The following PHKG2 variants were observed in gnomAD, a reference collection of about 807,000 sequenced individuals.
PHKG2 encodes the protein phosphorylase b kinase gamma catalytic chain, liver/testis isoform.
A neutral mutation model predicts 44.5 loss-of-function variants in PHKG2; 28 were observed. The observed-to-expected ratio is 0.63, with a 90% confidence interval of 0.47 to 0.86. The LOEUF is 0.86. Among genes scored for constraint, PHKG2 ranks in the 40% least tolerant of loss-of-function variants. The probability of loss-of-function intolerance (pLI) is 0.00; values close to 1 mark genes in which losing one functional copy is unlikely to be tolerated. For missense variants in PHKG2, 498 were observed against 547.5 expected (o/e 0.91, Z 0.90); for synonymous variants, 220 against 211.2 (o/e 1.04, Z -0.36).
In PHKG2 at chr16:30,759,310, A is replaced by G. The variant is rs753763872; in HGVS notation, c.*2213A>G. The G allele has an allele frequency of 2.5e-6, 4 of 1,612,612 alleles. No individual in the cohort carries two copies. The East Asian group carries it at 8.9e-5, about 36-fold the overall frequency. ...CCTGTGCTGAGGGGAGGGGCGGTTGAGGGTGGCTCCTCATGGTCCACCACC... is the reference window on the plus strand; with the variant it reads ...CCTGTGCTGAGGGGAGGGGCGGTTGGGGGTGGCTCCTCATGGTCCACCACC... On this transcript the variant is annotated 3_prime_UTR_variant, in exon 10 of 10. Transcript: ENST00000563588.
rs1444710565 is a variant in PHKG2 at position 30,758,431 on chromosome 16, T to C, written c.*1334T>C. On this transcript the variant is annotated 3_prime_UTR_variant, in exon 10 of 10. Coordinates refer to ENST00000563588, the MANE Select transcript of PHKG2 (RefSeq NM_000294.3). The stretch of plus-strand genomic sequence containing the variant: ...ATACGAGCAGAACATGCAGGTTTGC[T>C]ACGTAGGTATACATGGGCCATGGTG... The C allele has an allele frequency of 3.2e-5, 5 of 157,354 alleles. No homozygotes were observed. The highest frequency in any genetic ancestry group is 7.0e-5 in the Non-Finnish European group (5 of 71,018). 9.7% of individuals were successfully genotyped at this position (157,354 alleles called of 1,614,324 possible).
In PHKG2 at chr16:30,749,103, C is replaced by G. The variant is rs376408235; in HGVS notation, c.95+188C>G. ...GGTGGTGGTGGTGCTGCTGCTGCTG[C>G]TGCTGCTGGTGGTGCTGGTGCTGGT... On this transcript the variant is annotated intron_variant, in intron 2 of 9. Coordinates refer to ENST00000563588, the MANE Select transcript of PHKG2 (RefSeq NM_000294.3). Among the ~76,000 whole-genome samples the G allele has an allele frequency of 5.0e-3, 81 of 16,068 alleles. 15 individuals carry two copies. The highest frequency in any genetic ancestry group is 9.2e-3 in the Admixed American group (12 of 1,304). 10.5% of individuals were successfully genotyped at this position (16,068 alleles called of 152,430 possible). A position where few individuals can be genotyped will look rare whatever the true frequency, so the allele number is the denominator to read the frequency against.
chr16:30,761,050 A>G lies in PHKG2; in HGVS notation c.*3953A>G. ...CTCCTCTTTGGACTGGAGAGGCTGGAAAGCCAACTTCCAGTCACCTGGAGT... is the reference window on the plus strand; with the variant it reads ...CTCCTCTTTGGACTGGAGAGGCTGGGAAGCCAACTTCCAGTCACCTGGAGT... On this transcript the variant is annotated 3_prime_UTR_variant, in exon 10 of 10. Coordinates refer to ENST00000563588, the MANE Select transcript of PHKG2 (RefSeq NM_000294.3). 4.5e-6 allele frequency: 4 copies of G among 894,922 alleles called. No individual in the cohort carries two copies. The highest frequency in any genetic ancestry group is 2.7e-5 in the Admixed American group (1 of 36,978). 55.4% of individuals were successfully genotyped at this position (894,922 alleles called of 1,614,324 possible).
Position 30,756,142 on chromosome 16 carries a change from G to T in PHKG2, c.557-40G>T, listed in dbSNP as rs536534405. 4 of 1,474,564 alleles carry T rather than the reference G, an allele frequency of 2.7e-6. No homozygotes were observed. In the East Asian group the frequency reaches 9.0e-5, roughly 33 times the overall value. The allele number at this position is 1,474,564 out of a possible 1,614,324, so 91.3% of individuals were successfully genotyped here. ...GATCCAGTGCTAAGGGCCCTAGAGG[G>T]GCTGGTGGCATCCCCTCAATCTTGG... On this transcript the variant is annotated intron_variant, in intron 6 of 9. Transcript: ENST00000563588.
chr16:30,751,461 C>A, intron 3 of PHKG2, 88 bp from the exon 4 acceptor site: 1 of 1,331,740 alleles, frequency 7.5e-7, no homozygotes, highest in South Asian at 1.2e-5. Context: ...AGTAACAGCC[C>A]GCTGCTGTCC....
chr16:30,751,959 G>A (rs1297108018), intron 4 of PHKG2: 1 of 327,208 alleles, frequency 3.1e-6, no homozygotes, highest in Non-Finnish European at 6.0e-6. Context: ...CGGGCGTGGT[G>A]GTGGGCGCCT....
chr16:30,748,830 G>T lies in PHKG2; in HGVS notation c.10G>T (p.Asp4Tyr). 6.4e-7 allele frequency: 1 copy of T among 1,551,938 alleles called. No homozygotes were observed. The highest frequency in any genetic ancestry group is 2.4e-5 in the East Asian group (1 of 41,070). ...CCCCGCCTCCTTCAGGATGACGCTGGACGTGGGGCCGGAGGATGAGCTGCC... is the reference window on the plus strand; with the variant it reads ...CCCCGCCTCCTTCAGGATGACGCTGTACGTGGGGCCGGAGGATGAGCTGCC... MTL[D>Y]VGPEDELPDW... Residue 4 changes from aspartate (D) to tyrosine (Y), a missense_variant, in exon 2 of 10, where the codon GAC (aspartate) becomes TAC (tyrosine). Asp to Tyr is a radical substitution (Grantham distance 160, BLOSUM62 -3). Coordinates refer to ENST00000563588, the MANE Select transcript of PHKG2 (RefSeq NM_000294.3).
chr16:30,761,159 C>G lies in PHKG2; in HGVS notation c.*4062C>G, dbSNP rs984382146. ...GGACTGTTGGGGAGACAATAAAGAA[C>G]GCAAATATTCAGTGTAATTTTTGTC... is the stretch of plus-strand genomic sequence containing the variant. On this transcript the variant is annotated 3_prime_UTR_variant, in exon 10 of 10. Transcript: ENST00000563588. 6.2e-7 allele frequency: 1 copy of G among 1,607,336 alleles called. No homozygotes were observed. Among genetic ancestry groups the G allele is most frequent in the South Asian group, 1.1e-5 (1 of 90,884 alleles).
In PHKG2 at chr16:30,749,088, GTGC is replaced by G. The variant is rs1208492440; in HGVS notation, c.95+194_95+196del. 5.1e-4 allele frequency among the ~76,000 whole-genome samples: 7 copies of G among 13,688 alleles called. 2 individuals are homozygous for G. The highest frequency in any genetic ancestry group is 2.8e-3 in the East Asian group (1 of 354). 9.0% of individuals were successfully genotyped at this position (13,688 alleles called of 152,430 possible). ...GGTGGTGGTGGTGGTGGTGGTGGTG[GTGC>G]TGCTGCTGCTGCTGCTGCTGGTGGT... On this transcript the variant is annotated intron_variant, in intron 2 of 9. Coordinates refer to ENST00000563588, the MANE Select transcript of PHKG2 (RefSeq NM_000294.3).
Position 30,760,492 on chromosome 16 carries a change from C to T in PHKG2, c.*3395C>T, listed in dbSNP as rs756875437. On this transcript the variant is annotated 3_prime_UTR_variant, in exon 10 of 10. Transcript: ENST00000563588. ...GAGGAGTGAGTGACAACTGGGCCTC[C>T]TTTCATCACCCTACACCCACCACAT... 3.7e-6 allele frequency: 6 copies of T among 1,612,154 alleles called. No homozygotes were observed. In the East Asian group the frequency reaches 8.9e-5, roughly 24 times the overall value.
In PHKG2 at chr16:30,758,457, GTTTGC is replaced by G. The variant is rs2053522751; in HGVS notation, c.*1364_*1368del. ...ACGTAGGTATACATGGGCCATGGTG[GTTTGC>G]TTTACCCATCAACCCATCATATAGG... is the stretch of plus-strand genomic sequence containing the variant. On this transcript the variant is annotated 3_prime_UTR_variant, in exon 10 of 10. Coordinates refer to ENST00000563588, the MANE Select transcript of PHKG2 (RefSeq NM_000294.3). The G allele has an allele frequency of 1.2e-5, 2 of 164,300 alleles. No individual in the cohort carries two copies. Among genetic ancestry groups the G allele is most frequent in the African/African-American group, 4.8e-5 (2 of 41,534 alleles). 10.2% of individuals were successfully genotyped at this position (164,300 alleles called of 1,614,324 possible).
chr16:30,752,769 G>T (rs2053368864), intron 4 of PHKG2: 1 of 274,536 alleles, frequency 3.6e-6, no homozygotes, highest in African/African-American at 2.3e-5. Flanking sequence ...TTACTTTGAG[G>T]ACTGATGCAG....
Position 30,758,072 on chromosome 16 carries a change from CTTT to C in PHKG2, c.*990_*992del, listed in dbSNP as rs374158229. 7.1e-5 allele frequency: 10 copies of C among 140,204 alleles called. No homozygotes were observed. Among genetic ancestry groups the C allele is most frequent in the South Asian group, 2.3e-4 (1 of 4,416 alleles). The allele number at this position is 140,204 out of a possible 1,614,324, so 8.7% of individuals were successfully genotyped here. A position where few individuals can be genotyped will look rare whatever the true frequency, so the allele number is the denominator to read the frequency against. ...TGGCTGTTATTGTCATTGGCTTTCT[CTTT>C]TTTTTTTTTTTTTTGAGATGGAGTC... On this transcript the variant is annotated 3_prime_UTR_variant, in exon 10 of 10. Transcript: ENST00000563588.
intron 2 of PHKG2, among the ~76,000 whole-genome samples, chr16:30,750,012 C>G (rs2053324396): frequency 6.6e-6 from 1 of 152,058 alleles, no homozygotes; most frequent in Non-Finnish European, 1.5e-5. Context: ...TGGTAGATGT[C>G]TCCAGCTTTC....
chr16:30,748,911 G>A lies in PHKG2; in HGVS notation c.91G>A (p.Gly31Ser), dbSNP rs748940118. The A allele has an allele frequency of 1.3e-6, 2 of 1,551,652 alleles. No homozygotes were observed. The highest frequency in any genetic ancestry group is 1.7e-6 in the Non-Finnish European group (2 of 1,146,868). ...YQKYDPKDVIGRGVSSVVRRC... is the reference protein window; with the variant it reads ...YQKYDPKDVISRGVSSVVRRC... ...GAAGTACGACCCTAAGGACGTCATC[G>A]GCAGGTAAGGCCGCGGCCAGGGAAA... Residue 31 changes from glycine to serine, a missense_variant, in exon 2 of 10, where the codon GGC (glycine) becomes AGC (serine). Transcript: ENST00000563588.
rs1422636570 is a variant in PHKG2 at position 30,757,570 on chromosome 16, A to G, written c.*473A>G. On this transcript the variant is annotated 3_prime_UTR_variant, in exon 10 of 10. Coordinates refer to ENST00000563588, the MANE Select transcript of PHKG2 (RefSeq NM_000294.3). The stretch of plus-strand genomic sequence containing the variant: ...GCTGAGCCTTTCCTCGCTGGCCTTG[A>G]GCCGCTCCTCCACCAGCCCCTGGAG... 1.2e-6 allele frequency: 2 copies of G among 1,614,010 alleles called. No individual in the cohort carries two copies. The highest frequency in any genetic ancestry group is 2.7e-5 in the African/African-American group (2 of 74,892).
At position 30,753,432 on chromosome 16, in the gene PHKG2, T is replaced by C. The variant is rs1567261889; in HGVS notation, c.431T>C (p.Leu144Pro). ...TCTCTGCTGGAAGCAGTGAGCTTTCTCCATGCCAACAACATTGTGCATCGA... is the reference window on the plus strand; with the variant it reads ...TCTCTGCTGGAAGCAGTGAGCTTTCCCCATGCCAACAACATTGTGCATCGA... ...MRSLLEAVSF[L>P]HANNIVHRDL... Residue 144 changes from leucine (L) to proline (P), a missense_variant, in exon 6 of 10, where the codon CTC becomes CCC. By Grantham distance (98) the Leu-to-Pro change is moderately conservative. Transcript: ENST00000563588. The C allele has an allele frequency of 1.9e-6, 3 of 1,614,218 alleles. No individual in the cohort carries two copies. The South Asian group carries it at 3.3e-5, about 18-fold the overall frequency.
Position 30,758,841 on chromosome 16 carries a change from G to A in PHKG2, c.*1744G>A, listed in dbSNP as rs531661509. On this transcript the variant is annotated 3_prime_UTR_variant, in exon 10 of 10. Coordinates refer to ENST00000563588, the MANE Select transcript of PHKG2 (RefSeq NM_000294.3). ...TGGGATTACAGGTGTGAGCCACCAC[G>A]CCTGGCCTGCAGCTGTGCTTTTATC... 8.3e-4 allele frequency: 977 copies of A among 1,170,532 alleles called. 5 individuals carry two copies. Among genetic ancestry groups the A allele is most frequent in the Middle Eastern group, 3.3e-3 (11 of 3,368 alleles). 72.5% of individuals were successfully genotyped at this position (1,170,532 alleles called of 1,614,324 possible).
intron 2 of PHKG2, among the ~76,000 whole-genome samples, 158 bp downstream of exon 2, chr16:30,749,073 G>GCTGCTGCTGC (rs2053299105): frequency 4.8e-5 from 1 of 20,648 alleles, no homozygotes. Context: ...GGTGGTGGTG[G>GCTGCTGCTGC]TGGTGGTGGT....
Sources: gnomAD v4.1 joint callset for allele counts (sites outside exome capture counted in the v4.1 genomes callset) on GRCh38, gnomAD v4.1.1 for gene constraint, MANE v1.5 for transcripts, NCBI Gene and HGNC (gene_info 2026-07-23, HGNC 2026-07-21) for gene names.